STK3: variants seen among roughly 807,000 people sequenced by gnomAD.
STK3 encodes the protein serine/threonine-protein kinase 3.
Under a neutral mutation model 58.0 loss-of-function variants are expected in STK3, and 41 were observed. The observed-to-expected ratio is 0.71, with a 90% CI of 0.55 to 0.92. The LOEUF is 0.92. Ranked by LOEUF, STK3 falls within the 40% of genes least tolerant of loss-of-function variation. The probability of loss-of-function intolerance (pLI) is 0.00; values close to 1 mark genes in which losing one functional copy is unlikely to be tolerated. For missense variants in STK3, 479 were observed against 602.7 expected (o/e 0.79, Z 2.15); for synonymous variants, 170 against 191.0 (o/e 0.89, Z 0.91).
intron 6 of STK3, among the ~76,000 whole-genome samples, chr8:98,608,437 G>C (rs72666661): frequency 0.03 from 4,526 of 152,218 alleles, 96 homozygotes; most frequent in South Asian, 0.061. Flanking sequence ...ATTTTCTTCT[G>C]TTTGATGCAT....
chr8:98,364,501 C>A, the STK3 span, among the ~76,000 whole-genome samples: 1 of 152,340 alleles, frequency 6.6e-6, no homozygotes, highest in Admixed American at 6.5e-5. Context: ...TATTTCTCTT[C>A]TTTGGTTTCT....
At chr8:98,373,831 A>G (rs935789773) in intron 2 of STK3, among the ~76,000 whole-genome samples, 4 of 152,192 alleles carry the variant, frequency 2.6e-5, no homozygotes, top group African/African-American at 9.7e-5. Context: ...AGAAAACCTA[A>G]GTGGCTTGCC....
At chr8:98,826,144 T>G (rs1220338427), upstream of STK3, among the ~76,000 whole-genome samples, 1 of 152,188 alleles carries the variant, frequency 6.6e-6, no homozygotes, top group Non-Finnish European at 1.5e-5. Flanking sequence ...GCTCCGCCCC[T>G]AGCCTGCCCT....
chr8:98,350,059 C>G, the STK3 span, among the ~76,000 whole-genome samples: 1 of 152,134 alleles, frequency 6.6e-6, no homozygotes, highest in Non-Finnish European at 1.5e-5. Flanking sequence ...ATTGCATTGT[C>G]AGGCTGCAAT....
intron 6 of STK3, 88 bp downstream of exon 6, chr8:98,706,379 T>C: frequency 7.7e-7 from 1 of 1,297,760 alleles, no homozygotes; most frequent in South Asian, 1.8e-5. Context: ...TAAATGAACT[T>C]ATTTAGTTTA....
At chr8:98,352,782 AC>A in the STK3 span, among the ~76,000 whole-genome samples, 2 of 152,150 alleles carry the variant, frequency 1.3e-5, no homozygotes, top group African/African-American at 2.4e-5. Flanking sequence ...GAAAAAAAAA[AC>A]AATGTACAGT....
intron 10 of STK3, among the ~76,000 whole-genome samples, chr8:98,487,768 C>T (rs1438583916): frequency 6.6e-6 from 1 of 152,144 alleles, no homozygotes; most frequent in Non-Finnish European, 1.5e-5. Context: ...ATCCTCACGT[C>T]CCCCACTCTA....
chr8:98,941,469 G>T (rs1695293631), intron 1 of STK3, among the ~76,000 whole-genome samples: 1 of 152,260 alleles, frequency 6.6e-6, no homozygotes, highest in Admixed American at 6.5e-5. Flanking sequence ...AGGGAGGCGA[G>T]TCCCCGGAGG....
In STK3 at chr8:98,464,557, A is replaced by AG. The variant is rs1269058045; in HGVS notation, c.1318-8558_1318-8557insC. On this transcript the variant is annotated intron_variant, in intron 10 of 10. Coordinates refer to ENST00000419617, the MANE Select transcript of STK3 (RefSeq NM_006281.4). The stretch of plus-strand genomic sequence containing the variant: ...CTTAAAGTTAAAAAAAAAAAAAAAA[A>AG]AAAAAAAGAAAGAAAGAAAGAAAAA... 4.0e-5 allele frequency among the ~76,000 whole-genome samples: 6 copies of AG among 150,154 alleles called. No homozygotes were observed. The East Asian group carries it at 1.2e-3, about 29-fold the overall frequency.
chr8:98,362,473 C>T, the STK3 span, among the ~76,000 whole-genome samples: 1 of 152,116 alleles, frequency 6.6e-6, no homozygotes, highest in African/African-American at 2.4e-5. Context: ...TCAAAGCTAC[C>T]CTCCCCAAGG....
chr8:98,826,674 A>G (rs1279466159), upstream of STK3, among the ~76,000 whole-genome samples: 1 of 152,186 alleles, frequency 6.6e-6, no homozygotes, highest in African/African-American at 2.4e-5. Context: ...AATTCCATAT[A>G]TACCTTTCAC....
chr8:98,375,665 T>G (rs2130994610), intron 2 of STK3, among the ~76,000 whole-genome samples: 1 of 152,266 alleles, frequency 6.6e-6, no homozygotes, highest in Admixed American at 6.5e-5. Context: ...CTATGTACCC[T>G]TTTGCAACTT....
chr8:98,395,127 T>C (rs1817886744), intron 3 of STK3, among the ~76,000 whole-genome samples: 1 of 152,196 alleles, frequency 6.6e-6, no homozygotes, highest in Admixed American at 6.5e-5. Flanking sequence ...TGCACAAATA[T>C]GAAATCTATT....
At chr8:98,366,597 T>C (rs1401428811), downstream of STK3, among the ~76,000 whole-genome samples, 1 of 152,234 alleles carries the variant, frequency 6.6e-6, no homozygotes, top group Non-Finnish European at 1.5e-5. Context: ...TATTGAATGG[T>C]TCAGTTTGTC....
chr8:98,596,124 G>C lies in STK3; in HGVS notation c.730C>G (p.Pro244Ala). 1.2e-6 allele frequency: 2 copies of C among 1,613,096 alleles called. No homozygotes were observed. Among genetic ancestry groups the C allele is most frequent in the Non-Finnish European group, 1.7e-6 (2 of 1,179,514 alleles). ...PTNPPPTFRK[P>A]ELWSDDFTDF... The stretch of plus-strand genomic sequence containing the variant: ...GTGAAATCATCGGACCAAAGTTCTG[G>C]CTTTCTGAATGTTGGTGGTGGATTT... The change falls in exon 7 of 11, where the codon CCA becomes GCA. Residue 244 changes from proline to alanine, a missense_variant. This residue lies in a region of STK3 where 309 missense variants were observed against 355.7 expected (regional missense o/e 0.87). Coordinates refer to ENST00000419617, the MANE Select transcript of STK3 (RefSeq NM_006281.4).
chr8:98,910,830 T>C (rs904199644), intron 1 of STK3, among the ~76,000 whole-genome samples: 1 of 152,200 alleles, frequency 6.6e-6, no homozygotes, highest in Non-Finnish European at 1.5e-5. Context: ...GTGTTAAACA[T>C]GTCCCTCCCA....
At chr8:98,841,807 A>C (rs1835999338) in intron 3 of STK3, among the ~76,000 whole-genome samples, 1 of 152,050 alleles carries the variant, frequency 6.6e-6, no homozygotes, top group Non-Finnish European at 1.5e-5. Context: ...AAGGTTGTCT[A>C]CTGCAGACTA....
intron 1 of STK3, among the ~76,000 whole-genome samples, chr8:98,386,015 A>C (rs1011632262): frequency 1.3e-5 from 2 of 152,200 alleles, no homozygotes; most frequent in African/African-American, 4.8e-5. Context: ...GACGAAAAAT[A>C]GCATTACACC....
chr8:98,586,594 G>A (rs1345074442), intron 7 of STK3, among the ~76,000 whole-genome samples: 2 of 150,338 alleles, frequency 1.3e-5, no homozygotes, highest in Non-Finnish European at 3.0e-5. Flanking sequence ...TTTGGTATCA[G>A]AATGATGCTG....
Sources: allele counts gnomAD v4.1 joint callset (sites outside exome capture counted in the v4.1 genomes callset), GRCh38; gene constraint gnomAD v4.1.1; regional missense constraint gnomAD v4.1.1; transcripts MANE v1.5; gene names NCBI Gene and HGNC (gene_info 2026-07-23, HGNC 2026-07-21).